Variants in DLGAP2 observed in about 807,000 individuals in gnomAD.
DLGAP2 encodes the protein DLG associated protein 2, also known as disks large-associated protein 2.
DLGAP2 carries 26 observed loss-of-function variants against 100.3 expected under a neutral mutation model. The ratio of observed to expected loss-of-function variants is 0.26; its 90% CI spans 0.19 to 0.36. DLGAP2 has a LOEUF of 0.36. DLGAP2 is among the 10% of genes least tolerant of loss of function. The probability of loss-of-function intolerance (pLI) is 1.00; values close to 1 mark genes in which losing one functional copy is unlikely to be tolerated. For missense variants in DLGAP2, 1,858 were observed against 1,453.2 expected (o/e 1.28, Z -4.53); for synonymous variants, 886 against 630.1 (o/e 1.41, Z -6.08).
chr8:1,038,722 C>G (rs1802204129), intron 2 of DLGAP2, among the ~76,000 whole-genome samples: 2 of 152,174 alleles, frequency 1.3e-5, no homozygotes, highest in African/African-American at 2.4e-5. Flanking sequence ...TAATAGGACT[C>G]AAACAAAATA....
At chr8:1,243,323 G>T (rs1798838063) in intron 2 of DLGAP2, among the ~76,000 whole-genome samples, 2 of 152,118 alleles carry the variant, frequency 1.3e-5, no homozygotes, top group South Asian at 4.1e-4. Flanking sequence ...TGCTCTGCGA[G>T]GTCTTGGCAC....
chr8:1,610,910 C>G (rs771046011), intron 6 of DLGAP2, among the ~76,000 whole-genome samples: 1,140 of 102,146 alleles, frequency 0.011, 39 homozygotes, highest in South Asian at 0.036. Flanking sequence ...GTTTACCAAC[C>G]AAAAAGAGTC....
At chr8:869,821 G>A (rs964499476) in intron 1 of DLGAP2, among the ~76,000 whole-genome samples, 5 of 152,114 alleles carry the variant, frequency 3.3e-5, no homozygotes, top group African/African-American at 1.2e-4. Context: ...CGGGCCTGAT[G>A]GGCACCCCGG....
chr8:1,680,559 G>A (rs988880435), intron 12 of DLGAP2: 1 of 152,262 alleles, frequency 6.6e-6, no homozygotes, highest in Non-Finnish European at 1.5e-5. Context: ...AGGTGACGAT[G>A]GACGCCGAAT....
chr8:1,318,459 C>G (rs1800817772), intron 3 of DLGAP2, among the ~76,000 whole-genome samples: 1 of 150,200 alleles, frequency 6.7e-6, no homozygotes, highest in African/African-American at 2.4e-5. Context: ...TAGTATATGC[C>G]AGTTAGCAAA....
chr8:1,574,658 A>G (rs1802889532), intron 6 of DLGAP2, among the ~76,000 whole-genome samples: 1 of 152,228 alleles, frequency 6.6e-6, no homozygotes, highest in Admixed American at 6.5e-5. Flanking sequence ...TGTTACTGCA[A>G]ATAAAAGCTT....
At chr8:1,478,407 T>C (rs2130235018) in intron 3 of DLGAP2, among the ~76,000 whole-genome samples, 1 of 152,316 alleles carries the variant, frequency 6.6e-6, no homozygotes, top group Admixed American at 6.5e-5. Context: ...CCATGACATT[T>C]TCAGGAGCTC....
At chr8:866,969 T>C (rs1344218918) in intron 1 of DLGAP2, among the ~76,000 whole-genome samples, 1 of 152,104 alleles carries the variant, frequency 6.6e-6, no homozygotes. Flanking sequence ...GCTCACTGCC[T>C]TGTGCTGGGG....
At chr8:1,237,532 G>A (rs1207177415) in intron 2 of DLGAP2, among the ~76,000 whole-genome samples, 8 of 137,054 alleles carry the variant, frequency 5.8e-5, no homozygotes, top group African/African-American at 1.1e-4. Flanking sequence ...ACAGAGCATC[G>A]TGTCTAGTTC....
intron 2 of DLGAP2, among the ~76,000 whole-genome samples, chr8:1,182,414 G>C (rs1797408982): frequency 6.6e-6 from 1 of 152,218 alleles, no homozygotes; most frequent in Admixed American, 6.5e-5. Flanking sequence ...TAGGACCTGA[G>C]CGTGCATTTA....
intron 2 of DLGAP2, among the ~76,000 whole-genome samples, chr8:1,041,405 C>T (rs1335293978): frequency 2.0e-5 from 3 of 152,284 alleles, no homozygotes; most frequent in Non-Finnish European, 2.9e-5. Flanking sequence ...CAGAGGCACT[C>T]GGGAGGAGAC....
chr8:1,446,003 A>G (rs1278176365), intron 3 of DLGAP2, among the ~76,000 whole-genome samples: 2 of 151,954 alleles, frequency 1.3e-5, no homozygotes, highest in African/African-American at 2.4e-5. Flanking sequence ...CCTTTGTCAG[A>G]TGAGTAGGTT....
At chr8:1,635,067 T>C (rs894681324) in intron 8 of DLGAP2, among the ~76,000 whole-genome samples, 1 of 152,188 alleles carries the variant, frequency 6.6e-6, no homozygotes, top group Admixed American at 6.5e-5. Flanking sequence ...GGGAAATACT[T>C]AGCACTGTAG....
Position 1,174,642 on chromosome 8 carries a change from C to T in DLGAP2, c.74-84209C>T, listed in dbSNP as rs909519707. ...TCATTATTACTGCCACCATCATCAT[C>T]GTCGTCTTTACCATCATTGTCATCA... On this transcript the variant is annotated intron_variant, in intron 2 of 14. Transcript: ENST00000637795. Among the ~76,000 whole-genome samples the T allele has an allele frequency of 5.9e-5, 9 of 151,790 alleles. No homozygotes were observed. The South Asian group carries it at 6.3e-4, about 11-fold the overall frequency.
rs558716291 is a variant in DLGAP2 at position 1,558,712 on chromosome 8, C to T, written c.1231-6971C>T. 2.9e-4 allele frequency among the ~76,000 whole-genome samples: 43 copies of T among 147,876 alleles called. 1 individual carries two copies. In the South Asian group the frequency reaches 8.6e-3, roughly 29 times the overall value. On this transcript the variant is annotated intron_variant, in intron 5 of 14. Transcript: ENST00000637795. ...ATACCTGCACACATACACGTATACA[C>T]ACATTACACATACCCACACATACAC...
intron 2 of DLGAP2, among the ~76,000 whole-genome samples, chr8:1,117,433 C>T (rs1471294180): frequency 2.0e-5 from 3 of 152,168 alleles, no homozygotes; most frequent in African/African-American, 7.2e-5. Context: ...GTGTCAGATT[C>T]ACAGAGAAGA....
chr8:1,030,128 G>A (rs1375148903), intron 2 of DLGAP2, among the ~76,000 whole-genome samples: 1 of 152,168 alleles, frequency 6.6e-6, no homozygotes, highest in Non-Finnish European at 1.5e-5. Context: ...GGAAATAATG[G>A]TTAAGGCCCT....
At chr8:1,025,573 G>A (rs1801774107) in intron 2 of DLGAP2, among the ~76,000 whole-genome samples, 1 of 152,208 alleles carries the variant, frequency 6.6e-6, no homozygotes, top group Non-Finnish European at 1.5e-5. Context: ...GCGGAGAGCA[G>A]CTGTGTGGAA....
chr8:1,005,578 C>T (rs1246935934), intron 2 of DLGAP2, among the ~76,000 whole-genome samples: 1 of 107,788 alleles, frequency 9.3e-6, no homozygotes, highest in Admixed American at 1.1e-4. Flanking sequence ...CCAGCTTGCC[C>T]AGCTAATTTT....
Sources: gnomAD v4.1 joint callset for allele counts (sites outside exome capture counted in the v4.1 genomes callset) on GRCh38, gnomAD v4.1.1 for gene constraint, MANE v1.5 for transcripts, NCBI Gene and HGNC (gene_info 2026-07-23, HGNC 2026-07-21) for gene names.